Variants in PLEC observed in about 807,000 individuals in gnomAD.
PLEC encodes the protein hemidesmosomal protein 1.
In PLEC, 216 loss-of-function variants were observed where a neutral mutation model predicts 392.8. The ratio of observed to expected loss-of-function variants is 0.55; its 90% CI spans 0.49 to 0.62. The LOEUF (loss-of-function observed/expected upper bound fraction) is 0.62, where lower values mean the gene tolerates loss of function less well. Ranked by LOEUF, PLEC falls within the 20% of genes least tolerant of loss-of-function variation. The pLI, the probability that PLEC is intolerant of heterozygous loss-of-function variation, is 0.00. For synonymous variants in PLEC, 3,621 were observed against 2,980.6 expected, an observed-to-expected ratio of 1.21 and a Z score of -7.00; for missense variants, 6,863 against 6,563.4, an observed-to-expected ratio of 1.05 and a Z score of -1.58.
rs1554677189 is a variant in PLEC, at chr8:143,919,108, C to T, written c.10713G>A (p.Gln3571=). 3.1e-6 allele frequency: 5 copies of T among 1,612,696 alleles called. No homozygotes were observed. The African/African-American group carries it at 4.0e-5, about 13-fold the overall frequency. The change falls in exon 32 of 32, where the codon CAG becomes CAA. Residue 3571 remains glutamine (Q), a synonymous_variant. Coordinates refer to ENST00000345136, the MANE Select transcript of PLEC (RefSeq NM_201384.3). ...GGCTGCCGCCGCCGGGAATGTCGAT[C>T]TGTGTCTCTTCAAATGCCCTTCTTG... ...EETRRAFEET[Q]IDIPGGGSHG...
At chr8:143,958,225 C>T (rs1459263920), upstream of PLEC, among the ~76,000 whole-genome samples, 5 of 152,040 alleles carry the variant, frequency 3.3e-5, no homozygotes, top group African/African-American at 9.7e-5. This position sits in a 1 kb window ranked among gnomAD's most constrained non-coding sequence, Gnocchi z 4.9. Context: ...GGGCTCAGTG[C>T]GAGCTCAGTC....
intron 1 of PLEC, among the ~76,000 whole-genome samples, chr8:143,962,570 G>A (rs1832917639): frequency 6.6e-6 from 1 of 152,202 alleles, no homozygotes; most frequent in Admixed American, 6.5e-5. Flanking sequence ...ACATCTTGAG[G>A]CACACAGTAG....
chr8:143,939,447 C>T lies in PLEC; in HGVS notation c.15G>A (p.Gln5=), dbSNP rs1554726760. Residue 5 remains glutamine, a synonymous_variant, in exon 1 of 32, where the codon CAG becomes CAA. Coordinates refer to ENST00000345136, the MANE Select transcript of PLEC (RefSeq NM_201384.3). MSQH[Q]LRVPQPEGLG... ...GGCCCTCGGGCTGCGGCACGCGGAG[C>T]TGGTGCTGAGACATGCTGCCCCCAC... 6.2e-7 allele frequency: 1 copy of T among 1,611,820 alleles called. No homozygotes were observed. Among genetic ancestry groups the T allele is most frequent in the Non-Finnish European group, 8.5e-7 (1 of 1,179,620 alleles).
At position 143,938,190 on chromosome 8, in the gene PLEC, G is replaced by A. The variant is rs1554725170; in HGVS notation, c.225C>T (p.Asn75=). Residue 75 remains asparagine (N), a synonymous_variant, in exon 3 of 32, where the codon AAC becomes AAT. Transcript: ENST00000345136. ...DLYEDLRDGH[N]LISLLEVLSG... is the part of the protein sequence containing the mutation. The stretch of plus-strand genomic sequence containing the variant: ...AGAGGACCTCCAGCAGGGAGATGAG[G>A]TTGTGGCCATCGCGGAGGTCTTCAT... 3.1e-6 allele frequency: 5 copies of A among 1,609,216 alleles called. No homozygotes were observed. Among genetic ancestry groups the A allele is most frequent in the South Asian group, 2.2e-5 (2 of 90,774 alleles).
In PLEC at chr8:143,919,313, G is replaced by A. The variant is rs371006283; in HGVS notation, c.10508C>T (p.Ala3503Val). 28 of 1,613,858 alleles carry A rather than the reference G, an allele frequency of 1.7e-5. No homozygotes were observed. The Middle Eastern group carries it at 6.6e-4, about 38-fold the overall frequency. ...GCCCTTGGTGTCGTCGCTGGGGTCC[G>A]CCAGGACGCGGTTCATCTCCTCACT... ...YFSEEMNRVL[A>V]DPSDDTKGFF... Residue 3503 changes from alanine to valine, a missense_variant, in exon 32 of 32, where the codon GCG (alanine) becomes GTG (valine). Physicochemically the swap from Ala to Val is moderately conservative, Grantham distance 64. Coordinates refer to ENST00000345136, the MANE Select transcript of PLEC (RefSeq NM_201384.3).
rs55646585 is a variant in PLEC at position 143,925,453 on chromosome 8, C to T, written c.4476G>A (p.Ala1492=). 0.38 allele frequency: 603,262 copies of T among 1,594,896 alleles called. 120,534 individuals are homozygous for T. The highest frequency in any genetic ancestry group is 0.41 in the Non-Finnish European group (485,920 of 1,177,612). Residue 1492 remains alanine (A), a synonymous_variant, in exon 31 of 32, where the codon GCG becomes GCA. Transcript: ENST00000345136. ...TCCGCAAGCGCTCGGCCTCCTCCTG[C>T]GCCTGTCGCTTTTGTGCCTCAGCCT... ...AEEAEAQKRQ[A]QEEAERLRRQ... is the part of the protein sequence containing the mutation.
chr8:143,920,846 A>G lies in PLEC; in HGVS notation c.8975T>C (p.Ile2992Thr). ...CAGCTGCTGGTAGAGCTCGCGGTCG[A>G]TGACCCTGCTCTCCAGCAGCTCGGC... is the stretch of plus-strand genomic sequence containing the variant. ...PAAELLESRV[I>T]DRELYQQLQR... The change falls in exon 32 of 32, where the codon ATC (isoleucine) becomes ACC (threonine). Residue 2992 changes from isoleucine to threonine, a missense_variant. By Grantham distance (89) the Ile-to-Thr change is moderately conservative (BLOSUM62 -1). Coordinates refer to ENST00000345136, the MANE Select transcript of PLEC (RefSeq NM_201384.3). 6.2e-7 allele frequency: 1 copy of G among 1,609,430 alleles called. No individual in the cohort carries two copies. Among genetic ancestry groups the G allele is most frequent in the Non-Finnish European group, 8.5e-7 (1 of 1,179,934 alleles).
chr8:143,959,724 T>C (rs577207279), intron 1 of PLEC, among the ~76,000 whole-genome samples: 5 of 152,330 alleles, frequency 3.3e-5, no homozygotes, highest in South Asian at 2.1e-4. Flanking sequence ...AAACCTGGTG[T>C]GGTGGCTCAC....
At chr8:143,970,668 C>T (rs782357652) in intron 1 of PLEC, among the ~76,000 whole-genome samples, 28 of 152,166 alleles carry the variant, frequency 1.8e-4, no homozygotes, top group Admixed American at 2.6e-4. Context: ...CTGGCAACAC[C>T]GCTCTCTTTT....
chr8:143,930,194 C>T lies in PLEC; in HGVS notation c.2562G>A (p.Val854=). ...GGTTGGGCGGGGGCACCAGGAAGCA[C>T]ACGGAGGGCACGGCGGCCTCGCTGC... ...SSGSEAAVPS[V]CFLVPPPNQE... The change falls in exon 21 of 32, where the codon GTG becomes GTA. Residue 854 remains valine, a synonymous_variant. Coordinates refer to ENST00000345136, the MANE Select transcript of PLEC (RefSeq NM_201384.3). 6.3e-7 allele frequency: 1 copy of T among 1,578,054 alleles called. No homozygotes were observed.
In PLEC at chr8:143,916,398, A is replaced by G; in HGVS notation, c.13423T>C (p.Tyr4475His). The G allele has an allele frequency of 1.9e-6, 3 of 1,611,206 alleles. No homozygotes were observed. The highest frequency in any genetic ancestry group is 2.5e-6 in the Non-Finnish European group (3 of 1,179,214). The change falls in exon 32 of 32, where the codon TAC (tyrosine) becomes CAC (histidine). Residue 4475 changes from tyrosine to histidine, a missense_variant. Tyr to His is a moderately conservative substitution (Grantham distance 83). Transcript: ENST00000345136. Reference protein sequence around the residue: ...EAAAQSTKGYYSPYSVSGSGS... With the variant: ...EAAAQSTKGYHSPYSVSGSGS... ...GAGCCGCTGACGCTGTAGGGGCTGT[A>G]GTAGCCCTTGGTGGACTGCGCGGCA... is the stretch of plus-strand genomic sequence containing the variant.
chr8:143,916,818 C>T lies in PLEC; in HGVS notation c.13003G>A (p.Ala4335Thr), dbSNP rs1416802915. 7 of 1,612,980 alleles carry T rather than the reference C, an allele frequency of 4.3e-6. No homozygotes were observed. Among genetic ancestry groups the T allele is most frequent in the Admixed American group, 3.3e-5 (2 of 60,002 alleles). ...STGERFPVTD[A>T]VNKGLVDKIM... ...TTGTCCACCAGGCCCTTGTTGACGG[C>T]GTCGGTGACAGGGAAGCGCTCACCG... is the stretch of plus-strand genomic sequence containing the variant. The change falls in exon 32 of 32, where the codon GCC becomes ACC. Residue 4335 changes from alanine to threonine, a missense_variant. Transcript: ENST00000345136.
At position 143,934,742 on chromosome 8, in the gene PLEC, G is replaced by C. The variant is rs781794642; in HGVS notation, c.946-12C>G. 11 of 1,612,220 alleles carry C rather than the reference G, an allele frequency of 6.8e-6. No homozygotes were observed. The East Asian group carries it at 2.0e-4, about 29-fold the overall frequency. On this transcript the variant is annotated splice_polypyrimidine_tract_variant and intron_variant, in intron 9 of 31. Coordinates refer to ENST00000345136, the MANE Select transcript of PLEC (RefSeq NM_201384.3). ...TGAGACCACAGGATCTGCCAGGGAC[G>C]AGGCTGTCGGCAACCACGCCGGGCT...
chr8:143,976,538 A>G (rs1456916133), upstream of PLEC, among the ~76,000 whole-genome samples: 4 of 151,984 alleles, frequency 2.6e-5, no homozygotes, highest in Non-Finnish European at 5.9e-5. Flanking sequence ...CCAGTTCCGC[A>G]GTCTCGGGCG....
chr8:143,961,073 T>C (rs1832850666), intron 1 of PLEC, among the ~76,000 whole-genome samples: 1 of 152,270 alleles, frequency 6.6e-6, no homozygotes, highest in Non-Finnish European at 1.5e-5. Flanking sequence ...TGCGCGTTTG[T>C]GGCTCTGACA....
Position 143,918,681 on chromosome 8 carries a change from G to A in PLEC, c.11140C>T (p.Leu3714=), listed in dbSNP as rs782635357. 2.2e-5 allele frequency: 35 copies of A among 1,612,802 alleles called. No homozygotes were observed. The Admixed American group carries it at 2.3e-4, about 11-fold the overall frequency. ...LSIYQALKKG[L]LSAEVARLLL... ...AGGCGGGCCACCTCGGCACTCAGCA[G>A]CCCTTTCTTGAGAGCCTGGTAGATG... Residue 3714 remains leucine, a synonymous_variant, in exon 32 of 32, where the codon CTG becomes TTG. Transcript: ENST00000345136.
chr8:143,929,314 A>T, intron 24 of PLEC, 33 bp from the exon 25 acceptor site: 1 of 1,587,068 alleles, frequency 6.3e-7, no homozygotes. Flanking sequence ...CGCACTCATC[A>T]CCGAGCGCAG....
intron 1 of PLEC, among the ~76,000 whole-genome samples, chr8:143,965,489 C>T (rs575753430): frequency 3.9e-5 from 6 of 152,060 alleles, no homozygotes; most frequent in Non-Finnish European, 7.4e-5. Flanking sequence ...TCATGACCCA[C>T]GGCCCCTGCT....
rs1833320939 is a variant in PLEC at position 143,969,745 on chromosome 8, G to A, written c.70+3658C>T. ...GGGGAGTGGGGCCAGCCGGGGGCCT[G>A]GGCAGCTGGGGATAGAGACTTTAGG... On this transcript the variant is annotated intron_variant, in intron 1 of 31. Coordinates refer to the PLEC transcript ENST00000356346. The surrounding 1 kb of genome is among the most constrained non-coding windows in gnomAD (Gnocchi z 5.1). Among the ~76,000 whole-genome samples the A allele has an allele frequency of 6.6e-6, 1 of 152,196 alleles. No homozygotes were observed. The highest frequency in any genetic ancestry group is 2.4e-5 in the African/African-American group (1 of 41,512).
Sources: allele counts gnomAD v4.1 joint callset (sites outside exome capture counted in the v4.1 genomes callset), GRCh38; gene constraint gnomAD v4.1.1; non-coding constraint Gnocchi (gnomAD v3.1); transcripts MANE v1.5; gene names NCBI Gene and HGNC (gene_info 2026-07-23, HGNC 2026-07-21).